ROPN1B: variants seen among roughly 807,000 people sequenced by gnomAD.
ROPN1B encodes the protein rhophilin associated tail protein 1B.
A neutral mutation model predicts 23.7 loss-of-function variants in ROPN1B; 13 were observed. That is an observed-to-expected ratio of 0.55 (90% CI 0.36 to 0.87). ROPN1B has a LOEUF of 0.87. Among genes scored for constraint, ROPN1B ranks in the 40% least tolerant of loss-of-function variants. ROPN1B has a pLI of 0.01. For missense variants in ROPN1B, 183 were observed against 249.2 expected (o/e 0.73, Z 1.79); for synonymous variants, 67 against 100.4 (o/e 0.67, Z 1.99).
intron 5 of ROPN1B, among the ~76,000 whole-genome samples, chr3:125,979,764 T>C (rs1421862216): frequency 6.6e-6 from 1 of 152,260 alleles, no homozygotes; most frequent in East Asian, 1.9e-4. Context: ...ACAGGATCTC[T>C]GTGTCATCTA....
At chr3:125,974,437 T>C (rs1007252094) in intron 3 of ROPN1B, among the ~76,000 whole-genome samples, 3 of 152,352 alleles carry the variant, frequency 2.0e-5, no homozygotes, top group South Asian at 2.1e-4. Context: ...CCCATCATTG[T>C]ATGGCTTGAC....
At chr3:125,980,552 C>A (rs1264705503) in intron 5 of ROPN1B, among the ~76,000 whole-genome samples, 1 of 152,164 alleles carries the variant, frequency 6.6e-6, no homozygotes, top group Non-Finnish European at 1.5e-5. Flanking sequence ...CCTAACTCCT[C>A]TTCTTAAAAA....
intron 4 of ROPN1B, among the ~76,000 whole-genome samples, chr3:125,976,162 G>A (rs564732653): frequency 6.6e-6 from 1 of 152,304 alleles, no homozygotes; most frequent in South Asian, 2.1e-4. Flanking sequence ...TGCATGAGGA[G>A]GGTCCGGCTT....
chr3:125,979,106 T>C (rs752068372), intron 5 of ROPN1B, among the ~76,000 whole-genome samples: 7 of 152,176 alleles, frequency 4.6e-5, no homozygotes, highest in African/African-American at 1.4e-4. Flanking sequence ...CCCTCAGGCC[T>C]ACCTCTGAAT....
intron 4 of ROPN1B, chr3:125,976,700 C>T (rs1432174365): frequency 3.6e-6 from 2 of 551,032 alleles, no homozygotes; most frequent in African/African-American, 1.9e-5. Context: ...AGGAATAAAA[C>T]AATTTAGGAA....
chr3:125,975,688 C>T lies in ROPN1B; in HGVS notation c.234+8C>T, dbSNP rs1202023091. On this transcript the variant is annotated splice_region_variant and intron_variant, in intron 4 of 6. Coordinates refer to ENST00000514116, the MANE Select transcript of ROPN1B (RefSeq NM_001308313.2). ...AAGATCCTGCATTCTCAGGTAAGGG[C>T]CCTGCTGCAGCATTGAGGAGAATGT... 9.3e-6 allele frequency: 15 copies of T among 1,606,930 alleles called. No individual in the cohort carries two copies. Among genetic ancestry groups the T allele is most frequent in the Non-Finnish European group, 1.1e-5 (13 of 1,175,468 alleles).
chr3:125,981,211 C>T (rs770443368), intron 5 of ROPN1B, among the ~76,000 whole-genome samples: 12 of 152,160 alleles, frequency 7.9e-5, no homozygotes, highest in Non-Finnish European at 1.3e-4. Flanking sequence ...TATTCACATC[C>T]TCAGTACCTC....
At chr3:125,972,844 G>A (rs1938267132) in intron 3 of ROPN1B, 1 of 393,440 alleles carries the variant, frequency 2.5e-6, no homozygotes. Context: ...GGGTCCTCAG[G>A]CATGGCTGAA....
chr3:125,972,280 C>A, intron 3 of ROPN1B, 110 bp downstream of exon 3: 2 of 948,922 alleles, frequency 2.1e-6, no homozygotes, highest in Non-Finnish European at 3.3e-6. Flanking sequence ...GACTAACTGG[C>A]ATCGTCTTTG....
At chr3:125,979,827 C>T (rs570470582) in intron 5 of ROPN1B, among the ~76,000 whole-genome samples, 13 of 152,242 alleles carry the variant, frequency 8.5e-5, no homozygotes, top group Admixed American at 3.3e-4. Context: ...ATTTTTACTC[C>T]GGTAGGTAAT....
intron 5 of ROPN1B, among the ~76,000 whole-genome samples, chr3:125,981,375 C>T (rs1434332083): frequency 6.6e-6 from 1 of 152,180 alleles, no homozygotes; most frequent in Admixed American, 6.5e-5. Flanking sequence ...TGGGAAGATA[C>T]AGCAGCTGCT....
chr3:125,975,792 C>A, intron 4 of ROPN1B, 112 bp downstream of exon 4: 1 of 883,412 alleles, frequency 1.1e-6, no homozygotes, highest in Non-Finnish European at 1.7e-6. Context: ...TTAGCACCAC[C>A]CTAAAATACA....
At chr3:125,980,357 G>T (rs1242328451) in intron 5 of ROPN1B, among the ~76,000 whole-genome samples, 6 of 152,168 alleles carry the variant, frequency 3.9e-5, no homozygotes, top group African/African-American at 1.4e-4. Context: ...GTTTGTTAGG[G>T]CTGCCATGAC....
At chr3:125,977,496 G>A (rs61108932) in intron 5 of ROPN1B, 35,949 of 398,502 alleles carry the variant, frequency 0.09, 2,073 homozygotes, top group South Asian at 0.17. Flanking sequence ...AGAGCCGACT[G>A]TAGAAAAAGA....
intron 5 of ROPN1B, among the ~76,000 whole-genome samples, chr3:125,979,713 A>T (rs1938545315): frequency 6.6e-6 from 1 of 152,246 alleles, no homozygotes; most frequent in Admixed American, 6.5e-5. Flanking sequence ...CCTTAGAGGC[A>T]AGCCCAGAGT....
intron 1 of ROPN1B, chr3:125,970,074 T>G (rs1938142688): frequency 6.6e-6 from 1 of 150,534 alleles, no homozygotes; most frequent in South Asian, 2.2e-4. Context: ...GATGGTGTGG[T>G]GAGCAAAAAC....
Position 125,983,308 on chromosome 3 carries a change from T to C in ROPN1B, c.627T>C (p.Val209=). Residue 209 remains valine, a synonymous_variant, in exon 7 of 7, where the codon GTT becomes GTC. Transcript: ENST00000514116. ...TVNDFTQNPR[V]WLE The stretch of plus-strand genomic sequence containing the variant: ...ATGACTTTACCCAAAACCCCAGGGT[T>C]TGGCTGGAGTAACAGCACAATTTTG... The C allele has an allele frequency of 6.2e-7, 1 of 1,613,396 alleles. No individual in the cohort carries two copies. Among genetic ancestry groups the C allele is most frequent in the Non-Finnish European group, 8.5e-7 (1 of 1,179,400 alleles).
intron 5 of ROPN1B, among the ~76,000 whole-genome samples, chr3:125,981,436 G>A (rs941888504): frequency 6.6e-6 from 1 of 152,188 alleles, no homozygotes; most frequent in African/African-American, 2.4e-5. Context: ...ACTGATCCCT[G>A]GAAGAGTGTG....
At chr3:125,982,724 G>A (rs1377269959) in intron 6 of ROPN1B, among the ~76,000 whole-genome samples, 1 of 152,180 alleles carries the variant, frequency 6.6e-6, no homozygotes, top group Non-Finnish European at 1.5e-5. Flanking sequence ...CTAGACCCAT[G>A]GAATCATAAA....
Sources: gnomAD v4.1 joint callset for allele counts (sites outside exome capture counted in the v4.1 genomes callset) on GRCh38, gnomAD v4.1.1 for gene constraint, MANE v1.5 for transcripts, NCBI Gene and HGNC (gene_info 2026-07-23, HGNC 2026-07-21) for gene names.